Variants in FRMD3 observed in about 807,000 individuals in gnomAD.
The protein encoded by FRMD3 is FERM domain-containing protein 3.
Under a neutral mutation model 70.2 loss-of-function variants are expected in FRMD3, and 33 were observed. The ratio of observed to expected loss-of-function variants is 0.47; its 90% CI spans 0.36 to 0.63. The LOEUF (loss-of-function observed/expected upper bound fraction) is 0.63, where lower values mean the gene tolerates loss of function less well. Ranked by LOEUF, FRMD3 falls within the 20% of genes least tolerant of loss-of-function variation. The probability of loss-of-function intolerance (pLI) is 0.00; values close to 1 mark genes in which losing one functional copy is unlikely to be tolerated. For synonymous variants in FRMD3, 279 were observed against 255.9 expected, an observed-to-expected ratio of 1.09 and a Z score of -0.86; for missense variants, 632 against 711.4, an observed-to-expected ratio of 0.89 and a Z score of 1.27.
At chr9:83,322,148 G>T (rs1835825971) in intron 6 of FRMD3, among the ~76,000 whole-genome samples, 1 of 152,120 alleles carries the variant, frequency 6.6e-6, no homozygotes, top group African/African-American at 2.4e-5. Flanking sequence ...AAGAAGATGT[G>T]GATGTCCACT....
At chr9:83,438,355 G>A (rs571549424) in intron 1 of FRMD3, among the ~76,000 whole-genome samples, 1 of 152,250 alleles carries the variant, frequency 6.6e-6, no homozygotes, top group East Asian at 1.9e-4. Context: ...ACGGTATTTA[G>A]GGAGAGTCAC....
At chr9:83,376,178 TA>T (rs11398336) in intron 2 of FRMD3, among the ~76,000 whole-genome samples, 2 of 143,682 alleles carry the variant, frequency 1.4e-5, no homozygotes, top group East Asian at 2.0e-4. Flanking sequence ...AAAAAAAAGT[TA>T]AAAAAAAAAA....
chr9:83,459,619 G>T (rs1827914573), intron 1 of FRMD3, among the ~76,000 whole-genome samples: 1 of 152,220 alleles, frequency 6.6e-6, no homozygotes, highest in Admixed American at 6.5e-5. Flanking sequence ...ACAGGGGAGA[G>T]AAACTGATGG....
intron 1 of FRMD3, among the ~76,000 whole-genome samples, chr9:83,518,134 G>A (rs935819637): frequency 7.2e-5 from 11 of 152,152 alleles, no homozygotes; most frequent in African/African-American, 2.4e-4. Flanking sequence ...GGAAGTTCTG[G>A]CCAGGGCAAT....
At chr9:83,491,202 AT>A (rs1828816819) in intron 1 of FRMD3, among the ~76,000 whole-genome samples, 1 of 152,198 alleles carries the variant, frequency 6.6e-6, no homozygotes, top group African/African-American at 2.4e-5. Flanking sequence ...CAACTACGAC[AT>A]TTGAGTATCA....
intron 3 of FRMD3, among the ~76,000 whole-genome samples, chr9:83,356,565 C>T (rs1459534099): frequency 1.3e-5 from 2 of 151,410 alleles, no homozygotes; most frequent in African/African-American, 2.4e-5. Flanking sequence ...GGTGAGCCAC[C>T]GCGCCCGGCC....
rs1011475326 is a variant in FRMD3, at chr9:83,484,646, G to A, written c.147+53439C>T. ...TTGGACAGACTGGTCTCGAGCTCCC[G>A]GCCTCAAGTGATCCGCCCACCTTGG... is the stretch of plus-strand genomic sequence containing the variant. On this transcript the variant is annotated intron_variant, in intron 1 of 13. Coordinates refer to ENST00000304195, the MANE Select transcript of FRMD3 (RefSeq NM_174938.6). 1.8e-4 allele frequency among the ~76,000 whole-genome samples: 27 copies of A among 152,138 alleles called. 1 individual carries two copies. Among genetic ancestry groups the A allele is most frequent in the South Asian group, 4.1e-4 (2 of 4,820 alleles).
chr9:83,357,562 C>G (rs1348753648), intron 3 of FRMD3, among the ~76,000 whole-genome samples: 1 of 151,628 alleles, frequency 6.6e-6, no homozygotes, highest in Non-Finnish European at 1.5e-5. Flanking sequence ...AAAGTGTTCC[C>G]TTTTCACCAC....
chr9:83,584,747 A>G, the FRMD3 span, among the ~76,000 whole-genome samples: 1 of 152,298 alleles, frequency 6.6e-6, no homozygotes, highest in South Asian at 2.1e-4. Context: ...CAGGCTCAGG[A>G]GCCCAAATGC....
At chr9:83,321,488 A>C (rs1400737821) in intron 6 of FRMD3, among the ~76,000 whole-genome samples, 2 of 152,180 alleles carry the variant, frequency 1.3e-5, no homozygotes, top group African/African-American at 4.8e-5. Flanking sequence ...TACAGTTTCA[A>C]GCATTCCTCT....
At chr9:83,395,676 G>T (rs1055781530) in intron 1 of FRMD3, among the ~76,000 whole-genome samples, 4 of 151,664 alleles carry the variant, frequency 2.6e-5, no homozygotes, top group African/African-American at 9.7e-5. Context: ...CAACTCCCAA[G>T]TTCAGCAGTA....
At chr9:83,421,117 T>A (rs2131359019) in intron 1 of FRMD3, among the ~76,000 whole-genome samples, 1 of 151,592 alleles carries the variant, frequency 6.6e-6, no homozygotes, top group East Asian at 1.9e-4. Flanking sequence ...ATTTTTTGTA[T>A]TTTTAGTAGA....
chr9:83,355,082 C>G (rs911777776), intron 3 of FRMD3, among the ~76,000 whole-genome samples: 2 of 152,034 alleles, frequency 1.3e-5, no homozygotes, highest in Non-Finnish European at 2.9e-5. Flanking sequence ...ACATGGAAGC[C>G]CCCACTTACT....
chr9:83,395,276 A>T (rs201596376), intron 1 of FRMD3, among the ~76,000 whole-genome samples: 9 of 5,086 alleles, frequency 1.8e-3, no homozygotes, highest in Admixed American at 4.2e-3. Context: ...CTATAGATTT[A>T]AAAAAAAAAA....
intron 1 of FRMD3, among the ~76,000 whole-genome samples, chr9:83,408,916 C>T (rs1826201437): frequency 1.3e-5 from 2 of 152,270 alleles, no homozygotes; most frequent in South Asian, 4.1e-4. Flanking sequence ...CCCATTCCCT[C>T]CTGAGAAAGA....
intron 3 of FRMD3, among the ~76,000 whole-genome samples, chr9:83,362,248 A>T (rs1425380847): frequency 6.6e-6 from 1 of 151,606 alleles, no homozygotes; most frequent in East Asian, 1.9e-4. Flanking sequence ...AAAATCATTC[A>T]TTAGCAAGAG....
intron 13 of FRMD3, among the ~76,000 whole-genome samples, chr9:83,253,982 G>A (rs1047701557): frequency 2.6e-5 from 4 of 152,010 alleles, no homozygotes; most frequent in East Asian, 1.9e-4. Context: ...GGATGAAGCC[G>A]GAAACCATCA....
At chr9:83,477,162 C>T (rs1464738045) in intron 1 of FRMD3, among the ~76,000 whole-genome samples, 2 of 152,222 alleles carry the variant, frequency 1.3e-5, no homozygotes, top group African/African-American at 2.4e-5. Flanking sequence ...GCTGGACCTA[C>T]TACATTACAA....
chr9:83,558,794 A>G, the FRMD3 span, among the ~76,000 whole-genome samples: 1 of 152,226 alleles, frequency 6.6e-6, no homozygotes, highest in African/African-American at 2.4e-5. Context: ...AATTTCAAAG[A>G]AGTTGATTTC....
Sources: allele counts gnomAD v4.1 joint callset (sites outside exome capture counted in the v4.1 genomes callset), GRCh38; gene constraint gnomAD v4.1.1; transcripts MANE v1.5; gene names NCBI Gene and HGNC (gene_info 2026-07-23, HGNC 2026-07-21).